ZNF804A: variants seen among roughly 807,000 people sequenced by gnomAD.
ZNF804A encodes the protein zinc finger protein 804A.
ZNF804A carries 2 observed loss-of-function variants against 16.5 expected under a neutral mutation model. That is an observed-to-expected ratio of 0.12 (90% CI 0.05 to 0.38). The LOEUF (loss-of-function observed/expected upper bound fraction) is 0.38. Ranked by LOEUF, ZNF804A falls within the 10% of genes least tolerant of loss-of-function variation. ZNF804A has a pLI of 0.99. For missense variants in ZNF804A, 1,473 were observed against 1,390.7 expected (o/e 1.06, Z -0.94); for synonymous variants, 534 against 489.6 (o/e 1.09, Z -1.20).
intron 1 of ZNF804A, among the ~76,000 whole-genome samples, chr2:184,801,219 CT>C (rs1694721168): frequency 6.6e-6 from 1 of 151,948 alleles, no homozygotes; most frequent in Non-Finnish European, 1.5e-5. Context: ...CATCTTTTGA[CT>C]TTTTTGTGTT....
intron 1 of ZNF804A, among the ~76,000 whole-genome samples, chr2:184,789,222 G>A (rs932566859): frequency 2.6e-5 from 4 of 151,968 alleles, no homozygotes; most frequent in Non-Finnish European, 4.4e-5. Context: ...TTGACATGCT[G>A]TTGGAATTGG....
chr2:184,803,494 C>T (rs1007262300), intron 1 of ZNF804A, among the ~76,000 whole-genome samples: 4 of 152,020 alleles, frequency 2.6e-5, no homozygotes, highest in African/African-American at 4.8e-5. Flanking sequence ...TTTATCTAAG[C>T]ATCTCCAAAT....
chr2:184,780,473 T>TA (rs1694356479), intron 1 of ZNF804A, among the ~76,000 whole-genome samples: 1 of 151,782 alleles, frequency 6.6e-6, no homozygotes, highest in Non-Finnish European at 1.5e-5. Flanking sequence ...GAATTATTCT[T>TA]AAAAGTGGTT....
chr2:184,837,956 G>GA (rs1695380335), intron 1 of ZNF804A, among the ~76,000 whole-genome samples: 1 of 151,994 alleles, frequency 6.6e-6, no homozygotes, highest in African/African-American at 2.4e-5. Flanking sequence ...GAAACAGCAG[G>GA]AAAAAAGGCA....
chr2:184,619,224 A>G (rs371829520), intron 1 of ZNF804A, among the ~76,000 whole-genome samples: 12 of 152,076 alleles, frequency 7.9e-5, no homozygotes, highest in African/African-American at 2.9e-4. Context: ...ATAGTGATAA[A>G]TATTATATAG....
chr2:184,696,932 A>T (rs1012465083), intron 1 of ZNF804A, among the ~76,000 whole-genome samples: 1 of 151,958 alleles, frequency 6.6e-6, no homozygotes, highest in African/African-American at 2.4e-5. Context: ...AAAAAAAATC[A>T]CCCAGAAGCC....
chr2:184,742,490 A>C (rs1247080171), intron 1 of ZNF804A, among the ~76,000 whole-genome samples: 2 of 152,016 alleles, frequency 1.3e-5, no homozygotes. Context: ...TGATTCTGAC[A>C]ACCTATCACC....
chr2:184,812,417 G>C (rs546331085), intron 1 of ZNF804A, among the ~76,000 whole-genome samples: 1 of 151,814 alleles, frequency 6.6e-6, no homozygotes, highest in Non-Finnish European at 1.5e-5. Flanking sequence ...TAATAGTTTC[G>C]GTGAAGATAA....
At chr2:184,798,300 G>A (rs926171365) in intron 1 of ZNF804A, among the ~76,000 whole-genome samples, 3 of 151,314 alleles carry the variant, frequency 2.0e-5, no homozygotes, top group Admixed American at 2.0e-4. Context: ...GCAAGGCCAG[G>A]GATATTTTCC....
chr2:184,887,646 G>C (rs1369528310), intron 2 of ZNF804A, among the ~76,000 whole-genome samples: 1 of 152,146 alleles, frequency 6.6e-6, no homozygotes, highest in Non-Finnish European at 1.5e-5. Context: ...AGAAAACGAG[G>C]AGGAAGCAAA....
At chr2:184,719,152 G>T (rs941137300) in intron 1 of ZNF804A, among the ~76,000 whole-genome samples, 29 of 152,154 alleles carry the variant, frequency 1.9e-4, no homozygotes, top group African/African-American at 6.3e-4. Context: ...CAAGGCTTGG[G>T]GATTACACCC....
intron 1 of ZNF804A, among the ~76,000 whole-genome samples, chr2:184,744,023 A>T (rs983644229): frequency 6.6e-6 from 1 of 151,942 alleles, no homozygotes; most frequent in Non-Finnish European, 1.5e-5. Flanking sequence ...TATTTTAAAT[A>T]AGCATTAAAA....
chr2:184,744,783 T>C (rs1480484), intron 1 of ZNF804A, among the ~76,000 whole-genome samples: 50,899 of 151,760 alleles, frequency 0.34, 11,888 homozygotes, highest in African/African-American at 0.67. Context: ...AACTCCAAAA[T>C]AAAACTTCAT....
intron 1 of ZNF804A, among the ~76,000 whole-genome samples, chr2:184,658,237 A>G (rs954599895): frequency 6.6e-6 from 1 of 152,150 alleles, no homozygotes; most frequent in African/African-American, 2.4e-5. Context: ...TAATCCCTGC[A>G]CTTTGGGAGG....
chr2:184,613,548 C>T (rs1691272004), intron 1 of ZNF804A, among the ~76,000 whole-genome samples: 1 of 152,064 alleles, frequency 6.6e-6, no homozygotes, highest in African/African-American at 2.4e-5. Context: ...GGTCAAAGTT[C>T]CACTGGATGG....
intron 2 of ZNF804A, among the ~76,000 whole-genome samples, chr2:184,932,125 G>A (rs1446697713): frequency 6.6e-6 from 1 of 152,066 alleles, no homozygotes; most frequent in Non-Finnish European, 1.5e-5. Flanking sequence ...CAAGTCTGTA[G>A]GAGGTTTCAA....
At chr2:184,665,790 A>C (rs542464069) in intron 1 of ZNF804A, among the ~76,000 whole-genome samples, 25 of 151,500 alleles carry the variant, frequency 1.7e-4, no homozygotes, top group African/African-American at 6.0e-4. Context: ...AGTTGCCTGC[A>C]TTTTTTTTTC....
intron 1 of ZNF804A, among the ~76,000 whole-genome samples, chr2:184,738,531 G>A (rs945942715): frequency 6.6e-6 from 1 of 152,146 alleles, no homozygotes; most frequent in African/African-American, 2.4e-5. Context: ...TTGTAAATTA[G>A]AACATAGTTC....
chr2:184,733,863 C>G (rs181154762), intron 1 of ZNF804A, among the ~76,000 whole-genome samples: 16 of 150,134 alleles, frequency 1.1e-4, no homozygotes, highest in African/African-American at 3.4e-4. Flanking sequence ...GTGGTTATGT[C>G]TCTTCTTTAA....
Sources: allele counts gnomAD v4.1 joint callset (sites outside exome capture counted in the v4.1 genomes callset), GRCh38; gene constraint gnomAD v4.1.1; transcripts MANE v1.5; gene names NCBI Gene and HGNC (gene_info 2026-07-23, HGNC 2026-07-21).